Variants in SHC3 observed in about 807,000 individuals in gnomAD.
SHC3 encodes SHC adaptor protein 3.
SHC3 carries 15 observed loss-of-function variants against 60.4 expected under a neutral mutation model. The observed-to-expected ratio is 0.25, with a 90% CI of 0.17 to 0.38. The LOEUF (loss-of-function observed/expected upper bound fraction) is 0.38, where lower values mean the gene tolerates loss of function less well. SHC3 is among the 10% of genes least tolerant of loss of function. The probability of loss-of-function intolerance (pLI) is 1.00; values close to 1 mark genes in which losing one functional copy is unlikely to be tolerated. For missense variants in SHC3, 677 were observed against 786.1 expected (o/e 0.86, Z 1.66); for synonymous variants, 294 against 325.9 (o/e 0.90, Z 1.05).
At chr9:89,174,785 A>G (rs1432950230) in intron 1 of SHC3, among the ~76,000 whole-genome samples, 1 of 152,206 alleles carries the variant, frequency 6.6e-6, no homozygotes, top group East Asian at 1.9e-4. Context: ...TCAGAGCTGA[A>G]TGTCAAGGCT....
rs542949400 is a variant in SHC3, at chr9:89,050,435, A to G, written c.962+1602T>C. On this transcript the variant is annotated intron_variant, in intron 7 of 11. Coordinates refer to ENST00000375835, the MANE Select transcript of SHC3 (RefSeq NM_016848.6). ...CAAGTATGTGGGACTACAGACATGC[A>G]TCACCATGCCCAACTAATTTTTGTA... 5.8e-4 allele frequency among the ~76,000 whole-genome samples: 88 copies of G among 152,238 alleles called. 1 individual carries two copies. Among genetic ancestry groups the G allele is most frequent in the Middle Eastern group, 3.4e-3 (1 of 294 alleles).
intron 8 of SHC3, among the ~76,000 whole-genome samples, chr9:89,046,213 G>A (rs1198900014): frequency 6.6e-6 from 1 of 151,594 alleles, no homozygotes; most frequent in African/African-American, 2.4e-5. Context: ...GTTCACACTT[G>A]GTCAAGTCCA....
At chr9:89,097,869 A>G (rs1474167489) in intron 2 of SHC3, among the ~76,000 whole-genome samples, 1 of 152,262 alleles carries the variant, frequency 6.6e-6, no homozygotes, top group Non-Finnish European at 1.5e-5. Flanking sequence ...TATTAACAGC[A>G]TTTAATGATG....
intron 1 of SHC3, among the ~76,000 whole-genome samples, chr9:89,113,754 T>C (rs2118118229): frequency 6.6e-6 from 1 of 152,330 alleles, no homozygotes. Flanking sequence ...AACATCATCA[T>C]GGAATTACTT....
At chr9:89,015,511 C>G (rs1826078356) in intron 11 of SHC3, among the ~76,000 whole-genome samples, 1 of 152,216 alleles carries the variant, frequency 6.6e-6, no homozygotes, top group Admixed American at 6.5e-5. Context: ...AGCTGAGAAC[C>G]ACCAGTTAGC....
rs527397029 is a variant in SHC3, at chr9:89,029,758, T to C, written c.1656+8235A>G. On this transcript the variant is annotated intron_variant, in intron 11 of 11. Transcript: ENST00000375835. ...AGACATTGTGAGGAAAACATAGCTGTCTTCTCTCAAGAATAGGGCAATTAG... is the reference window on the plus strand; with the variant it reads ...AGACATTGTGAGGAAAACATAGCTGCCTTCTCTCAAGAATAGGGCAATTAG... Among the ~76,000 whole-genome samples the C allele has an allele frequency of 1.2e-4, 18 of 152,308 alleles. 1 individual carries two copies. The South Asian group carries it at 3.3e-3, about 28-fold the overall frequency.
intron 6 of SHC3, among the ~76,000 whole-genome samples, chr9:89,052,852 G>T (rs1824883270): frequency 6.6e-6 from 1 of 152,222 alleles, no homozygotes; most frequent in South Asian, 2.1e-4. Flanking sequence ...AGTTAGGGGT[G>T]GCGGTAGGCC....
At position 89,013,564 on chromosome 9, in the gene SHC3, C is replaced by A; in HGVS notation, c.1668G>T (p.Lys556Asn). 1 of 1,612,436 alleles carries A rather than the reference C, an allele frequency of 6.2e-7. No homozygotes were observed. The highest frequency in any genetic ancestry group is 2.2e-5 in the East Asian group (1 of 44,848). Residue 556 changes from lysine to asparagine, a missense_variant, in exon 12 of 12, where the codon AAG (lysine) becomes AAT (asparagine). By Grantham distance (94) the Lys-to-Asn change is moderately conservative. Coordinates refer to ENST00000375835, the MANE Select transcript of SHC3 (RefSeq NM_016848.6). ...LVDPEGTIRT[K>N]DRVFDSISHL... ...GGCTGATACTGTCAAAGACTCTGTC[C>A]TTTGTCCGGATCTATGAATGAAGCA... is the stretch of plus-strand genomic sequence containing the variant.
At chr9:89,059,080 CGTGATGGAGGATG>C (rs1169335274) in intron 6 of SHC3, among the ~76,000 whole-genome samples, 180 of 116,184 alleles carry the variant, frequency 1.5e-3, no homozygotes, top group Non-Finnish European at 2.6e-3. Context: ...TGGTAAAGGA[CGTGATGGAGGATG>C]GTGGTGGAGG....
At chr9:89,128,880 A>G (rs1014743745) in intron 1 of SHC3, among the ~76,000 whole-genome samples, 1 of 152,188 alleles carries the variant, frequency 6.6e-6, no homozygotes, top group Non-Finnish European at 1.5e-5. Flanking sequence ...CACCAGCAAC[A>G]GAACAAAGCT....
chr9:89,049,543 G>T (rs1232426119), intron 7 of SHC3, among the ~76,000 whole-genome samples: 1 of 152,078 alleles, frequency 6.6e-6, no homozygotes, highest in African/African-American at 2.4e-5. Context: ...AGAAACAAAG[G>T]CTAGCATAAT....
rs138960651 is a variant in SHC3 at position 89,124,693 on chromosome 9, G to A, written c.475-12067C>T. Reference sequence around the variant, plus strand: ...CACACACCGGGGCCTGTCAGGGGGTGAGGGGAAGGGGAAGGAGAGCGTTAG... The same window carrying A: ...CACACACCGGGGCCTGTCAGGGGGTAAGGGGAAGGGGAAGGAGAGCGTTAG... On this transcript the variant is annotated intron_variant, in intron 1 of 11. Coordinates refer to ENST00000375835, the MANE Select transcript of SHC3 (RefSeq NM_016848.6). 1.8e-3 allele frequency among the ~76,000 whole-genome samples: 268 copies of A among 152,144 alleles called. 1 individual carries two copies. Among genetic ancestry groups the A allele is most frequent in the Middle Eastern group, 3.4e-3 (1 of 294 alleles).
In SHC3 at chr9:89,178,065, C is replaced by T; in HGVS notation, c.396G>A (p.Glu132=). The T allele has an allele frequency of 5.8e-6, 7 of 1,209,768 alleles. No individual in the cohort carries two copies. The highest frequency in any genetic ancestry group is 6.2e-6 in the Non-Finnish European group (6 of 974,330). The allele number at this position is 1,209,768 out of a possible 1,614,324, so 74.9% of individuals were successfully genotyped here. Residue 132 remains glutamate, a synonymous_variant, in exon 1 of 12, where the codon GAG becomes GAA. Transcript: ENST00000375835. The surrounding 1 kb of genome is among the most constrained non-coding windows in gnomAD (Gnocchi z 6.9). ...CCCCCCGAGGGGGCCTGGGCAGCGG[C>T]TCGTCGCCGGGCCGGCCCTTCCTGG... ...SAARKGRPGD[E]PLPRPPRGAP... is the part of the protein sequence containing the mutation.
intron 6 of SHC3, among the ~76,000 whole-genome samples, chr9:89,063,532 C>T (rs1195242084): frequency 6.6e-6 from 1 of 152,196 alleles, no homozygotes; most frequent in African/African-American, 2.4e-5. Context: ...AGCTGCCATA[C>T]AGAAAGCCCT....
chr9:89,055,605 AAC>A (rs1237591011), intron 6 of SHC3, among the ~76,000 whole-genome samples: 1 of 152,224 alleles, frequency 6.6e-6, no homozygotes, highest in Non-Finnish European at 1.5e-5. Context: ...CTGCAGAAGA[AAC>A]AGACAGCAGG....
chr9:89,162,976 A>C (rs1826732606), intron 1 of SHC3, among the ~76,000 whole-genome samples: 1 of 139,040 alleles, frequency 7.2e-6, no homozygotes, highest in Non-Finnish European at 1.6e-5. Context: ...TTATGCAGCC[A>C]AAAAACACAT....
intron 1 of SHC3, among the ~76,000 whole-genome samples, chr9:89,161,345 G>A (rs1385728458): frequency 2.0e-5 from 3 of 152,114 alleles, no homozygotes; most frequent in Non-Finnish European, 4.4e-5. Flanking sequence ...CTTCTGCCAT[G>A]TGCCTACTCC....
intron 1 of SHC3, among the ~76,000 whole-genome samples, chr9:89,130,835 A>T (rs1826233858): frequency 6.6e-6 from 1 of 152,188 alleles, no homozygotes; most frequent in Admixed American, 6.5e-5. Flanking sequence ...CCCTAACATC[A>T]CAATTAAAAG....
At chr9:89,059,310 GT>G in intron 6 of SHC3, among the ~76,000 whole-genome samples, 1 of 31,454 alleles carries the variant, frequency 3.2e-5, no homozygotes, top group Non-Finnish European at 5.3e-5. Flanking sequence ...GAGGACGGTG[GT>G]GGAGGACGTT....
Sources: gnomAD v4.1 joint callset for allele counts (sites outside exome capture counted in the v4.1 genomes callset) on GRCh38, gnomAD v4.1.1 for gene constraint, Gnocchi (gnomAD v3.1) non-coding constraint, MANE v1.5 for transcripts, NCBI Gene and HGNC (gene_info 2026-07-23, HGNC 2026-07-21) for gene names.